ANGPT1: variants seen among roughly 807,000 people sequenced by gnomAD.
ANGPT1 encodes the protein angiopoietin 1.
Under a neutral mutation model 62.2 loss-of-function variants are expected in ANGPT1, and 17 were observed. The ratio of observed to expected loss-of-function variants is 0.27; its 90% CI spans 0.19 to 0.41. ANGPT1 has a LOEUF of 0.41. Among genes scored for constraint, ANGPT1 ranks in the 10% least tolerant of loss-of-function variants. The pLI is 1.00. For missense variants in ANGPT1, 478 were observed against 594.9 expected (o/e 0.80, Z 2.04); for synonymous variants, 199 against 198.9 (o/e 1.00, Z 0.00).
intron 8 of ANGPT1, among the ~76,000 whole-genome samples, chr8:107,252,532 C>T (rs1350979122): frequency 6.6e-6 from 1 of 152,150 alleles, no homozygotes; most frequent in Non-Finnish European, 1.5e-5. Context: ...TAAGCTGCTT[C>T]TAAAATTAAT....
intron 1 of ANGPT1, among the ~76,000 whole-genome samples, chr8:107,427,959 C>T (rs967519894): frequency 1.5e-4 from 23 of 152,138 alleles, no homozygotes; most frequent in African/African-American, 2.4e-5. Context: ...TCCCTGAAGG[C>T]GTCCACCTGG....
At chr8:107,329,866 A>C (rs1459555815) in intron 3 of ANGPT1, among the ~76,000 whole-genome samples, 1 of 152,116 alleles carries the variant, frequency 6.6e-6, no homozygotes, top group African/African-American at 2.4e-5. Flanking sequence ...CTAGAAGGTC[A>C]CAGCCTAATA....
rs191365510 is a variant in ANGPT1 at position 107,463,841 on chromosome 8, T to C, written c.297+33421A>G. On this transcript the variant is annotated intron_variant, in intron 1 of 8. Transcript: ENST00000517746. Reference sequence around the variant, plus strand: ...TTTCTCTAGGTAACTTTCGTAGACATGTAGAATACATTACAAGGATCAAGA... The same window carrying C: ...TTTCTCTAGGTAACTTTCGTAGACACGTAGAATACATTACAAGGATCAAGA... Among the ~76,000 whole-genome samples, 5 of 152,258 alleles carry C rather than the reference T, an allele frequency of 3.3e-5. No individual in the cohort carries two copies. In the East Asian group the frequency reaches 9.7e-4, roughly 29 times the overall value.
intron 1 of ANGPT1, among the ~76,000 whole-genome samples, chr8:107,355,333 G>A (rs1021073669): frequency 1.3e-5 from 2 of 152,144 alleles, no homozygotes; most frequent in African/African-American, 4.8e-5. Flanking sequence ...ATTTGTTAAT[G>A]GCCCCATAAC....
intron 1 of ANGPT1, among the ~76,000 whole-genome samples, chr8:107,376,410 T>C (rs1816531550): frequency 1.3e-5 from 2 of 152,124 alleles, no homozygotes; most frequent in Admixed American, 6.5e-5. Flanking sequence ...GGAAATTGTT[T>C]ATGGGAAAGG....
intron 7 of ANGPT1, among the ~76,000 whole-genome samples, chr8:107,280,212 T>A (rs189993649): frequency 1.3e-3 from 191 of 152,196 alleles, no homozygotes; most frequent in African/African-American, 3.9e-3. Context: ...TTTTATTTTT[T>A]TTTTTGAGAT....
chr8:107,340,094 T>C (rs944793871), intron 2 of ANGPT1, among the ~76,000 whole-genome samples: 2 of 152,210 alleles, frequency 1.3e-5, no homozygotes, highest in Non-Finnish European at 2.9e-5. Flanking sequence ...TATGATAAAT[T>C]GACCACTTTC....
intron 1 of ANGPT1, among the ~76,000 whole-genome samples, chr8:107,446,840 T>C (rs934079536): frequency 6.6e-6 from 1 of 152,130 alleles, no homozygotes; most frequent in Non-Finnish European, 1.5e-5. Context: ...TCTCCTAAAT[T>C]CCAGACTCAA....
intron 5 of ANGPT1, among the ~76,000 whole-genome samples, chr8:107,297,760 T>C (rs1012385776): frequency 6.6e-6 from 1 of 150,758 alleles, no homozygotes; most frequent in Admixed American, 6.7e-5. Context: ...TGCATATATA[T>C]ATATATATAC....
intron 6 of ANGPT1, among the ~76,000 whole-genome samples, chr8:107,285,727 C>G (rs1814124980): frequency 6.6e-6 from 1 of 151,960 alleles, no homozygotes; most frequent in Non-Finnish European, 1.5e-5. Context: ...GAAAGAACCC[C>G]TAGAAACTTG....
intron 1 of ANGPT1, among the ~76,000 whole-genome samples, chr8:107,430,890 TTAAC>T (rs1811168378): frequency 1.3e-5 from 2 of 152,214 alleles, no homozygotes; most frequent in Non-Finnish European, 2.9e-5. Flanking sequence ...TGCACTAAGA[TTAAC>T]TATTCTCCTT....
chr8:107,447,883 A>G (rs2130446802), intron 1 of ANGPT1, among the ~76,000 whole-genome samples: 1 of 152,330 alleles, frequency 6.6e-6, no homozygotes, highest in African/African-American at 2.4e-5. Flanking sequence ...AGTTTACGCA[A>G]AGGATTTGAG....
intron 8 of ANGPT1, 64 bp from the exon 9 acceptor site, chr8:107,252,079 T>G: frequency 6.5e-7 from 1 of 1,535,726 alleles, no homozygotes. Flanking sequence ...AATGGAATAT[T>G]TGGAAATTAA....
At chr8:107,433,624 T>C (rs1235750495) in intron 1 of ANGPT1, among the ~76,000 whole-genome samples, 2 of 152,210 alleles carry the variant, frequency 1.3e-5, no homozygotes, top group African/African-American at 2.4e-5. Context: ...TTATGGTCCA[T>C]AATTTTAAAA....
At chr8:107,327,000 A>C (rs2130084800) in intron 3 of ANGPT1, among the ~76,000 whole-genome samples, 1 of 152,218 alleles carries the variant, frequency 6.6e-6, no homozygotes, top group South Asian at 2.1e-4. Flanking sequence ...ATGTTATACC[A>C]GGAACCAAGG....
intron 6 of ANGPT1, among the ~76,000 whole-genome samples, chr8:107,285,991 G>A (rs1333009187): frequency 6.6e-6 from 1 of 152,110 alleles, no homozygotes; most frequent in African/African-American, 2.4e-5. Flanking sequence ...AAAGAAGCAA[G>A]AAAGGGAGAG....
At chr8:107,308,441 A>C (rs1252985368) in intron 4 of ANGPT1, among the ~76,000 whole-genome samples, 1 of 152,132 alleles carries the variant, frequency 6.6e-6, no homozygotes, top group Non-Finnish European at 1.5e-5. Context: ...GCTGGCAATA[A>C]CTTGTAAGGC....
chr8:107,468,703 T>A (rs1163664118), intron 1 of ANGPT1, among the ~76,000 whole-genome samples: 1 of 152,048 alleles, frequency 6.6e-6, no homozygotes, highest in South Asian at 2.1e-4. Context: ...AGATCCCTCT[T>A]GAACATGCAT....
chr8:107,375,731 A>G (rs1374516325), intron 1 of ANGPT1, among the ~76,000 whole-genome samples: 4 of 152,156 alleles, frequency 2.6e-5, no homozygotes, highest in Non-Finnish European at 5.9e-5. Flanking sequence ...TGAAGCAGAG[A>G]GGAAAGTACC....
Sources: gnomAD v4.1 joint callset for allele counts (sites outside exome capture counted in the v4.1 genomes callset) on GRCh38, gnomAD v4.1.1 for gene constraint, MANE v1.5 for transcripts, NCBI Gene and HGNC (gene_info 2026-07-23, HGNC 2026-07-21) for gene names.